The following OCA2 variants were observed in gnomAD, a reference collection of about 807,000 sequenced individuals.
The protein encoded by OCA2 is P protein.
Under a neutral mutation model 100.2 loss-of-function variants are expected in OCA2, and 77 were observed. That is an observed-to-expected ratio of 0.77 (90% CI 0.64 to 0.93). OCA2 has a LOEUF of 0.93. OCA2 is among the 40% of genes least tolerant of loss of function. OCA2 has a pLI of 0.00. For synonymous variants in OCA2, 432 were observed against 439.2 expected (o/e 0.98, Z 0.21); for missense variants, 1,062 against 1,089.1 (o/e 0.98, Z 0.35).
intron 23 of OCA2, among the ~76,000 whole-genome samples, chr15:27,776,968 G>C (rs949122918): frequency 7.0e-6 from 1 of 142,576 alleles, no homozygotes; most frequent in Non-Finnish European, 1.5e-5. Flanking sequence ...GGCGGGGAGC[G>C]TGAGGTGGGG....
chr15:28,082,401 G>A (rs1474708346), intron 1 of OCA2, among the ~76,000 whole-genome samples: 1 of 152,206 alleles, frequency 6.6e-6, no homozygotes, highest in East Asian at 1.9e-4. Flanking sequence ...TTTAAGAGCT[G>A]TAACACTCAC....
chr15:27,958,151 G>A (rs918018991), intron 15 of OCA2, among the ~76,000 whole-genome samples: 5 of 152,124 alleles, frequency 3.3e-5, no homozygotes, highest in Admixed American at 2.0e-4. Flanking sequence ...GTATACCTAC[G>A]TAACAAACCT....
At chr15:27,745,914 G>A in the OCA2 span, among the ~76,000 whole-genome samples, 1 of 152,144 alleles carries the variant, frequency 6.6e-6, no homozygotes, top group Non-Finnish European at 1.5e-5. Flanking sequence ...CCTATGACTT[G>A]GAAGCCCCCT....
chr15:27,865,872 G>A (rs984276873), intron 21 of OCA2, among the ~76,000 whole-genome samples: 4 of 152,048 alleles, frequency 2.6e-5, no homozygotes, highest in South Asian at 4.1e-4. Context: ...TACTCTCCTC[G>A]TCACTCCCTG....
intron 14 of OCA2, among the ~76,000 whole-genome samples, chr15:27,982,007 C>A (rs2041179324): frequency 6.6e-6 from 1 of 152,166 alleles, no homozygotes; most frequent in Non-Finnish European, 1.5e-5. Flanking sequence ...TCCCTTTGTG[C>A]CTGTTATCCA....
intron 23 of OCA2, among the ~76,000 whole-genome samples, chr15:27,774,913 T>A (rs2032103394): frequency 6.6e-6 from 1 of 152,206 alleles, no homozygotes; most frequent in African/African-American, 2.4e-5. Context: ...TCCCGAACGG[T>A]ACAGAAATAC....
At chr15:28,071,768 G>A (rs1359998270) in intron 2 of OCA2, among the ~76,000 whole-genome samples, 2 of 152,162 alleles carry the variant, frequency 1.3e-5, no homozygotes, top group Non-Finnish European at 2.9e-5. Flanking sequence ...AAAAAGTAAC[G>A]CAAAATAGAT....
intron 2 of OCA2, among the ~76,000 whole-genome samples, chr15:28,049,313 A>T (rs2043437677): frequency 6.6e-6 from 1 of 152,246 alleles, no homozygotes; most frequent in Non-Finnish European, 1.5e-5. Flanking sequence ...TAGAATAAAA[A>T]AAGGAATATA....
In OCA2 at chr15:27,755,380, G is replaced by C. The variant is rs200732154; in HGVS notation, c.*8C>G. Reference sequence around the variant, plus strand: ...TCCTTTAGTCTTCGAGCAATAGATGGATGTCTATTAATTCCATCCCACCAC... The same window carrying C: ...TCCTTTAGTCTTCGAGCAATAGATGCATGTCTATTAATTCCATCCCACCAC... On this transcript the variant is annotated 3_prime_UTR_variant, in exon 24 of 24. Transcript: ENST00000354638. 1.0e-5 allele frequency: 16 copies of C among 1,595,222 alleles called. No individual in the cohort carries two copies. The highest frequency in any genetic ancestry group is 1.3e-5 in the Non-Finnish European group (15 of 1,162,912).
At chr15:27,869,472 A>G (rs1430236223) in intron 21 of OCA2, among the ~76,000 whole-genome samples, 4 of 152,260 alleles carry the variant, frequency 2.6e-5, no homozygotes, top group Non-Finnish European at 4.4e-5. Flanking sequence ...TATTTGTTGT[A>G]CTATTGTCTC....
the OCA2 span, among the ~76,000 whole-genome samples, chr15:27,745,636 G>A: frequency 3.9e-5 from 6 of 152,292 alleles, no homozygotes; most frequent in African/African-American, 1.4e-4. Flanking sequence ...TTCTCTTGTG[G>A]GGGGAAATTT....
intron 1 of OCA2, among the ~76,000 whole-genome samples, chr15:28,088,826 A>T (rs1330624684): frequency 4.6e-5 from 7 of 152,226 alleles, no homozygotes; most frequent in Admixed American, 4.6e-4. Context: ...AAAATTGCTA[A>T]TGAAGTTTCA....
At chr15:27,954,903 C>T (rs562239377) in intron 17 of OCA2, among the ~76,000 whole-genome samples, 93 of 152,310 alleles carry the variant, frequency 6.1e-4, no homozygotes, top group African/African-American at 2.2e-3. Flanking sequence ...GCTCAGAGGG[C>T]GGGCCCTGCA....
At chr15:27,842,531 G>A (rs942055514) in intron 23 of OCA2, among the ~76,000 whole-genome samples, 1 of 152,252 alleles carries the variant, frequency 6.6e-6, no homozygotes, top group Non-Finnish European at 1.5e-5. Context: ...TGCAAATAAA[G>A]GCCCTACTAC....
the OCA2 span, among the ~76,000 whole-genome samples, chr15:27,732,125 T>C: frequency 6.6e-6 from 1 of 152,228 alleles, no homozygotes; most frequent in South Asian, 2.1e-4. Flanking sequence ...CAGTATTCAC[T>C]TTTCATTTCA....
At chr15:27,943,847 C>T (rs999108510) in intron 18 of OCA2, among the ~76,000 whole-genome samples, 3 of 152,068 alleles carry the variant, frequency 2.0e-5, no homozygotes, top group Non-Finnish European at 4.4e-5. Flanking sequence ...TTCGAGTTGT[C>T]GCACCTTGCC....
intron 19 of OCA2, among the ~76,000 whole-genome samples, chr15:27,874,442 G>A (rs2036706813): frequency 1.3e-5 from 2 of 152,202 alleles, no homozygotes; most frequent in Admixed American, 6.5e-5. Flanking sequence ...AGACACAGCA[G>A]TTTCTGGAGG....
At chr15:27,814,170 C>A (rs772733734) in intron 23 of OCA2, among the ~76,000 whole-genome samples, 3 of 151,878 alleles carry the variant, frequency 2.0e-5, no homozygotes, top group African/African-American at 7.3e-5. Context: ...TGTATTTGTA[C>A]CCACTAACCA....
intron 23 of OCA2, chr15:27,776,543 G>A (rs1052102925): frequency 3.3e-5 from 5 of 152,226 alleles, no homozygotes; most frequent in East Asian, 1.9e-4. Flanking sequence ...CCCTCTCCTC[G>A]ACACGGCCAG....
Sources: allele counts gnomAD v4.1 joint callset (sites outside exome capture counted in the v4.1 genomes callset), GRCh38; gene constraint gnomAD v4.1.1; transcripts MANE v1.5; gene names NCBI Gene and HGNC (gene_info 2026-07-23, HGNC 2026-07-21).